The following PRSS8 variants were observed in gnomAD, a reference collection of about 807,000 sequenced individuals.
PRSS8 encodes prostasin.
PRSS8 carries 11 observed loss-of-function variants against 26.7 expected under a neutral mutation model. That is an observed-to-expected ratio of 0.41 (90% CI 0.26 to 0.68). The LOEUF (loss-of-function observed/expected upper bound fraction) is 0.68, where lower values mean the gene tolerates loss of function less well. Among genes scored for constraint, PRSS8 ranks in the 30% least tolerant of loss-of-function variants. The probability of loss-of-function intolerance (pLI) is 0.30; values close to 1 mark genes in which losing one functional copy is unlikely to be tolerated. For synonymous variants in PRSS8, 183 were observed against 187.0 expected, an observed-to-expected ratio of 0.98 and a Z score of 0.17; for missense variants, 362 against 443.5, an observed-to-expected ratio of 0.82 and a Z score of 1.65.
Position 31,133,861 on chromosome 16 carries a change from T to G in PRSS8, c.104-473A>C, listed in dbSNP as rs963515548. Among the ~76,000 whole-genome samples, 2 of 152,166 alleles carry G rather than the reference T, an allele frequency of 1.3e-5. No individual in the cohort carries two copies. Among genetic ancestry groups the G allele is most frequent in the Non-Finnish European group, 2.9e-5 (2 of 68,028 alleles). On this transcript the variant is annotated intron_variant, in intron 2 of 5. Coordinates refer to ENST00000317508, the MANE Select transcript of PRSS8 (RefSeq NM_002773.5). The surrounding 1 kb of genome is among the most constrained non-coding windows in gnomAD (Gnocchi z 4.7). ...ATCCTTACTGTCTGGCAAACTTCCC[T>G]TTGCCTGTGGATGCTTGATTGGAAC...
In PRSS8 at chr16:31,132,134, T is replaced by C. The variant is rs772415394; in HGVS notation, c.907A>G (p.Ser303Gly). 2.5e-6 allele frequency: 4 copies of C among 1,613,676 alleles called. No individual in the cohort carries two copies. The highest frequency in any genetic ancestry group is 3.4e-6 in the Non-Finnish European group (4 of 1,179,762). Reference sequence around the variant, plus strand: ...GCCAGGTGGCTGCCACAGAGGTTGCTGTCGGGCTGGGACTCCTGGGTTTGG... The same window carrying C: ...GCCAGGTGGCTGCCACAGAGGTTGCCGTCGGGCTGGGACTCCTGGGTTTGG... ...VPQTQESQPDSNLCGSHLAFS... is the reference protein window; with the variant it reads ...VPQTQESQPDGNLCGSHLAFS... The change falls in exon 6 of 6, where the codon AGC (serine) becomes GGC (glycine). Residue 303 changes from serine (S) to glycine (G), a missense_variant. Physicochemically the swap from Ser to Gly is moderately conservative, Grantham distance 56 (BLOSUM62 0). Transcript: ENST00000317508. This position sits in a 1 kb window ranked among gnomAD's most constrained non-coding sequence, Gnocchi z 5.2.
At position 31,131,955 on chromosome 16, in the gene PRSS8, G is replaced by T; in HGVS notation, c.*54C>A. 1 of 1,470,038 alleles carries T rather than the reference G, an allele frequency of 6.8e-7. No individual in the cohort carries two copies. Among genetic ancestry groups the T allele is most frequent in the Non-Finnish European group, 9.1e-7 (1 of 1,103,598 alleles). The allele number at this position is 1,470,038 out of a possible 1,614,324, so 91.1% of individuals were successfully genotyped here. On this transcript the variant is annotated 3_prime_UTR_variant, in exon 6 of 6. Coordinates refer to ENST00000317508, the MANE Select transcript of PRSS8 (RefSeq NM_002773.5). ...CCTGGGTCCAAAGGCCATCAGGGAA[G>T]GACCAGGCTCCTGTCCTTGAGTGTG... is the stretch of plus-strand genomic sequence containing the variant.
rs755072371 is a variant in PRSS8 at position 31,132,817 on chromosome 16, T to C, written c.403A>G (p.Ile135Val). 2 of 1,613,892 alleles carry C rather than the reference T, an allele frequency of 1.2e-6. No individual in the cohort carries two copies. The highest frequency in any genetic ancestry group is 8.5e-7 in the Non-Finnish European group (1 of 1,179,850). Residue 135 changes from isoleucine to valine, a missense_variant, in exon 4 of 6, where the codon ATT becomes GTT. Ile to Val is a conservative substitution (Grantham distance 29). Coordinates refer to ENST00000317508, the MANE Select transcript of PRSS8 (RefSeq NM_002773.5). The surrounding 1 kb of genome is among the most constrained non-coding windows in gnomAD (Gnocchi z 5.2). ...GGTCTGCTGAGTTGGAGGAGTGCAA[T>C]GTCGCCCTGGGAGCCCTCCTGGAGG... ...SYLQEGSQGDIALLQLSRPIT... is the reference protein window; with the variant it reads ...SYLQEGSQGDVALLQLSRPIT...
At position 31,133,415 on chromosome 16, in the gene PRSS8, A is replaced by G. The variant is rs188990895; in HGVS notation, c.104-27T>C. ...TGCCCAGGGAGGAAGGGAAGGGGTC[A>G]GGTTGTTAGCCTGGCCACTCCTATG... On this transcript the variant is annotated intron_variant, in intron 2 of 5. Transcript: ENST00000317508. This position sits in a 1 kb window ranked among gnomAD's most constrained non-coding sequence, Gnocchi z 4.7. 1.9e-5 allele frequency: 30 copies of G among 1,611,928 alleles called. No homozygotes were observed. The Admixed American group carries it at 3.8e-4, about 21-fold the overall frequency.
chr16:31,132,613 G>T lies in PRSS8; in HGVS notation c.539-18C>A, dbSNP rs776129281. 2.0e-5 allele frequency: 32 copies of T among 1,613,606 alleles called. No homozygotes were observed. In the African/African-American group the frequency reaches 3.3e-4, roughly 17 times the overall value. On this transcript the variant is annotated intron_variant, in intron 4 of 5. Transcript: ENST00000317508. This position sits in a 1 kb window ranked among gnomAD's most constrained non-coding sequence, Gnocchi z 5.2. ...GAGGCTCACTGTGGGGGTAAAAGAGGCTTACCCTGGGCCCCTCCCCAAGTC... is the reference window on the plus strand; with the variant it reads ...GAGGCTCACTGTGGGGGTAAAAGAGTCTTACCCTGGGCCCCTCCCCAAGTC...
Position 31,135,549 on chromosome 16 carries a change from G to T in PRSS8, c.-51C>A. On this transcript the variant is annotated 5_prime_UTR_variant, in exon 1 of 6. Transcript: ENST00000317508. The stretch of plus-strand genomic sequence containing the variant: ...AGACTCCAGGCACGCAAGGTAGGAA[G>T]CCTTGGGGTGGTGTCGAAGGCAGGA... 1 of 1,432,518 alleles carries T rather than the reference G, an allele frequency of 7.0e-7. No individual in the cohort carries two copies. Among genetic ancestry groups the T allele is most frequent in the Non-Finnish European group, 9.3e-7 (1 of 1,071,884 alleles). The allele number at this position is 1,432,518 out of a possible 1,614,324, so 88.7% of individuals were successfully genotyped here.
intron 1 of PRSS8, 111 bp from the exon 2 acceptor site, chr16:31,135,282 TG>T: frequency 6.3e-7 from 1 of 1,593,796 alleles, no homozygotes; most frequent in Non-Finnish European, 8.6e-7. Flanking sequence ...AGAGCCAAGG[TG>T]GGAAAGAGAG....
Position 31,135,066 on chromosome 16 carries a change from G to A in PRSS8, c.103+88C>T. ...GAGAATCTAGTTGGAAGGCAGCCCA[G>A]CTGAAGGCCAGGCACTGGTTAAACC... On this transcript the variant is annotated intron_variant, in intron 2 of 5. Coordinates refer to ENST00000317508, the MANE Select transcript of PRSS8 (RefSeq NM_002773.5). 3 of 1,503,398 alleles carry A rather than the reference G, an allele frequency of 2.0e-6. No homozygotes were observed. The East Asian group carries it at 7.2e-5, about 36-fold the overall frequency. 93.1% of individuals were successfully genotyped at this position (1,503,398 alleles called of 1,614,324 possible). A position where few individuals can be genotyped will look rare whatever the true frequency, so the allele number is the denominator to read the frequency against.
In PRSS8 at chr16:31,133,259, T is replaced by G; in HGVS notation, c.233A>C (p.Gln78Pro). The G allele has an allele frequency of 6.2e-7, 1 of 1,613,960 alleles. No homozygotes were observed. The highest frequency in any genetic ancestry group is 8.5e-7 in the Non-Finnish European group (1 of 1,179,878). The part of the protein sequence containing the change: ...HVCGGSLVSE[Q>P]WVLSAAHCFP... ...GCAGTGAGCAGCTGACAGCACCCACTGCTCAGACACGAGAGAGCCACCACA... is the reference window on the plus strand; with the variant it reads ...GCAGTGAGCAGCTGACAGCACCCACGGCTCAGACACGAGAGAGCCACCACA... Residue 78 changes from glutamine to proline, a missense_variant, in exon 3 of 6, where the codon CAG becomes CCG. By Grantham distance (76) the Gln-to-Pro change is moderately conservative (BLOSUM62 -1). Coordinates refer to ENST00000317508, the MANE Select transcript of PRSS8 (RefSeq NM_002773.5). The surrounding 1 kb of genome is among the most constrained non-coding windows in gnomAD (Gnocchi z 4.7).
chr16:31,133,021 C>A lies in PRSS8; in HGVS notation c.267-68G>T. ...TTGTTCCCCAACCCCCACTGCCAACCCCTGATTCCGATCAGCCCCTTTTAG... is the reference window on the plus strand; with the variant it reads ...TTGTTCCCCAACCCCCACTGCCAACACCTGATTCCGATCAGCCCCTTTTAG... On this transcript the variant is annotated intron_variant, in intron 3 of 5. Coordinates refer to ENST00000317508, the MANE Select transcript of PRSS8 (RefSeq NM_002773.5). The surrounding 1 kb of genome is among the most constrained non-coding windows in gnomAD (Gnocchi z 4.7). 5.1e-6 allele frequency: 8 copies of A among 1,583,602 alleles called. No individual in the cohort carries two copies. The highest frequency in any genetic ancestry group is 2.2e-5 in the East Asian group (1 of 44,632).
rs765169608 is a variant in PRSS8, at chr16:31,132,077, T to G, written c.964A>C (p.Arg322=). ...FSSAPAQGLL[R]PILFLPLGLA... is the part of the protein sequence containing the mutation. ...CCCAGAGGCAGGAAAAGGATGGGCC[T>G]CAGCAAGCCCTGGGCTGGGGCAGAG... Residue 322 remains arginine, a synonymous_variant, in exon 6 of 6, where the codon AGG becomes CGG. Coordinates refer to ENST00000317508, the MANE Select transcript of PRSS8 (RefSeq NM_002773.5). This position sits in a 1 kb window ranked among gnomAD's most constrained non-coding sequence, Gnocchi z 5.2. The G allele has an allele frequency of 6.2e-6, 10 of 1,605,618 alleles. No homozygotes were observed. The South Asian group carries it at 1.0e-4, about 16-fold the overall frequency.
rs1485675139 is a variant in PRSS8, at chr16:31,132,328, G to C, written c.713C>G (p.Ser238Cys). 1.9e-6 allele frequency: 3 copies of C among 1,613,836 alleles called. No individual in the cohort carries two copies. The highest frequency in any genetic ancestry group is 3.3e-5 in the Admixed American group (2 of 59,994). ...EGGKDACQGD[S>C]GGPLSCPVEG... ...CACAGGGCAGGAGAGTGGGCCCCCA[G>C]AGTCACCCTGAGGAGAGAAGCCACA... is the stretch of plus-strand genomic sequence containing the variant. The change falls in exon 6 of 6, where the codon TCT becomes TGT. Residue 238 changes from serine to cysteine, a missense_variant. Coordinates refer to ENST00000317508, the MANE Select transcript of PRSS8 (RefSeq NM_002773.5). The surrounding 1 kb of genome is among the most constrained non-coding windows in gnomAD (Gnocchi z 5.2).
rs2057585834 is a variant in PRSS8, at chr16:31,132,498, C to T, written c.636G>A (p.Glu212=). 3.7e-6 allele frequency: 6 copies of T among 1,614,080 alleles called. No individual in the cohort carries two copies. The highest frequency in any genetic ancestry group is 5.1e-6 in the Non-Finnish European group (6 of 1,179,898). ...TGTCCTCTTGGACAAAGTGCGGCTCCTCAGGCTTGGCGTCGATGTTGTACA... is the reference window on the plus strand; with the variant it reads ...TGTCCTCTTGGACAAAGTGCGGCTCTTCAGGCTTGGCGTCGATGTTGTACA... ...NCLYNIDAKP[E]EPHFVQEDMV... The change falls in exon 5 of 6, where the codon GAG becomes GAA. Residue 212 remains glutamate, a synonymous_variant. Coordinates refer to ENST00000317508, the MANE Select transcript of PRSS8 (RefSeq NM_002773.5). This position sits in a 1 kb window ranked among gnomAD's most constrained non-coding sequence, Gnocchi z 5.2.
chr16:31,134,224 C>G (rs1170697539), intron 2 of PRSS8: 1 of 152,348 alleles, frequency 6.6e-6, no homozygotes, highest in Non-Finnish European at 1.5e-5. Flanking sequence ...ACAAAGTCAT[C>G]TAGGAGCAGA....
chr16:31,135,051 T>G, intron 2 of PRSS8, 103 bp downstream of exon 2: 1 of 1,419,714 alleles, frequency 7.0e-7, no homozygotes, highest in Non-Finnish European at 9.7e-7. Context: ...GAGAATCTAG[T>G]TGGAAGGCAG....
intron 2 of PRSS8, 33 bp downstream of exon 2, chr16:31,135,121 C>G (rs1265954885): frequency 1.2e-6 from 2 of 1,609,120 alleles, no homozygotes; most frequent in Non-Finnish European, 1.7e-6. Context: ...GTCACCTCCC[C>G]CTCCCCTCCT....
intron 2 of PRSS8, 38 bp downstream of exon 2, chr16:31,135,116 C>G (rs765698474): frequency 2.5e-6 from 4 of 1,607,362 alleles, no homozygotes; most frequent in Admixed American, 1.7e-5. Context: ...TCCAAGTCAC[C>G]TCCCCCTCCC....
chr16:31,133,188 T>C lies in PRSS8; in HGVS notation c.266+38A>G, dbSNP rs1356379774. 1 of 1,613,068 alleles carries C rather than the reference T, an allele frequency of 6.2e-7. No individual in the cohort carries two copies. Among genetic ancestry groups the C allele is most frequent in the South Asian group, 1.1e-5 (1 of 91,076 alleles). On this transcript the variant is annotated intron_variant, in intron 3 of 5. Transcript: ENST00000317508. This position sits in a 1 kb window ranked among gnomAD's most constrained non-coding sequence, Gnocchi z 4.7. ...CTGACCTGGATTGACCCATTAACTT[T>C]GACCTCCAGCCCACTTTTGACTTTC...
Position 31,131,955 on chromosome 16 carries a change from G to A in PRSS8, c.*54C>T. The stretch of plus-strand genomic sequence containing the variant: ...CCTGGGTCCAAAGGCCATCAGGGAA[G>A]GACCAGGCTCCTGTCCTTGAGTGTG... On this transcript the variant is annotated 3_prime_UTR_variant, in exon 6 of 6. Coordinates refer to ENST00000317508, the MANE Select transcript of PRSS8 (RefSeq NM_002773.5). 1 of 1,470,038 alleles carries A rather than the reference G, an allele frequency of 6.8e-7. No homozygotes were observed. The highest frequency in any genetic ancestry group is 9.1e-7 in the Non-Finnish European group (1 of 1,103,598). 91.1% of individuals were successfully genotyped at this position (1,470,038 alleles called of 1,614,324 possible).
Sources: allele counts gnomAD v4.1 joint callset (sites outside exome capture counted in the v4.1 genomes callset), GRCh38; gene constraint gnomAD v4.1.1; non-coding constraint Gnocchi (gnomAD v3.1); transcripts MANE v1.5; gene names NCBI Gene and HGNC (gene_info 2026-07-23, HGNC 2026-07-21).